Variants in SNTG1 observed in about 807,000 individuals in gnomAD.
The protein encoded by SNTG1 is syntrophin gamma 1.
Under a neutral mutation model 74.7 loss-of-function variants are expected in SNTG1, and 39 were observed. The ratio of observed to expected loss-of-function variants is 0.52; its 90% CI spans 0.40 to 0.68. The LOEUF (loss-of-function observed/expected upper bound fraction) is 0.68, where lower values mean the gene tolerates loss of function less well. SNTG1 is among the 30% of genes least tolerant of loss of function. The pLI is 0.00. For missense variants in SNTG1, 685 were observed against 609.5 expected (o/e 1.12, Z -1.30); for synonymous variants, 254 against 217.1 (o/e 1.17, Z -1.49).
intron 4 of SNTG1, among the ~76,000 whole-genome samples, chr8:50,421,431 G>A (rs1029484322): frequency 4.6e-5 from 7 of 152,094 alleles, no homozygotes; most frequent in African/African-American, 1.7e-4. Context: ...TGGTGCTGGT[G>A]GGAGTGTAGC....
Position 50,502,802 on chromosome 8 carries a change from G to A in SNTG1, c.388G>A (p.Glu130Lys). The change falls in exon 9 of 19, where the codon GAA becomes AAA. Residue 130 changes from glutamate (E) to lysine (K), a missense_variant. Transcript: ENST00000642720. Reference sequence around the variant, plus strand: ...GGTTCAGGTTCTTCGGAATGCTGGAGAAGAAGTGACTCTAACAGTGTCATT... The same window carrying A: ...GGTTCAGGTTCTTCGGAATGCTGGAAAAGAAGTGACTCTAACAGTGTCATT... ...EVVQVLRNAG[E>K]EVTLTVSFLK... 1.2e-6 allele frequency: 2 copies of A among 1,612,680 alleles called. No homozygotes were observed. Among genetic ancestry groups the A allele is most frequent in the Non-Finnish European group, 1.7e-6 (2 of 1,179,086 alleles).
At chr8:50,607,059 CA>C (rs1283082357) in intron 13 of SNTG1, among the ~76,000 whole-genome samples, 13 of 151,734 alleles carry the variant, frequency 8.6e-5, no homozygotes, top group African/African-American at 2.7e-4. Flanking sequence ...TAACGTCTCT[CA>C]AAAAAATCAA....
intron 2 of SNTG1, among the ~76,000 whole-genome samples, chr8:50,319,637 T>C (rs903972478): frequency 6.6e-6 from 1 of 152,190 alleles, no homozygotes; most frequent in East Asian, 1.9e-4. Flanking sequence ...GGCATCCTTG[T>C]CATGTTCCAA....
At chr8:50,432,865 A>G (rs1317411163) in intron 4 of SNTG1, among the ~76,000 whole-genome samples, 2 of 151,776 alleles carry the variant, frequency 1.3e-5, no homozygotes, top group Non-Finnish European at 2.9e-5. Flanking sequence ...AGTCTCGGCT[A>G]CTGCAACCTC....
At chr8:50,041,526 G>A (rs1055683002) in intron 1 of SNTG1, among the ~76,000 whole-genome samples, 1 of 152,144 alleles carries the variant, frequency 6.6e-6, no homozygotes, top group Non-Finnish European at 1.5e-5. Context: ...GGGATTAAAC[G>A]GAATTGAGCT....
intron 2 of SNTG1, among the ~76,000 whole-genome samples, chr8:50,250,511 C>A (rs182216430): frequency 6.6e-6 from 1 of 152,174 alleles, no homozygotes; most frequent in East Asian, 1.9e-4. Flanking sequence ...TTCCAAAGCA[C>A]ATTATAATCA....
intron 9 of SNTG1, among the ~76,000 whole-genome samples, chr8:50,505,893 G>T (rs1237202366): frequency 6.6e-6 from 1 of 151,910 alleles, no homozygotes; most frequent in African/African-American, 2.4e-5. Context: ...TAATGCCTGT[G>T]TTTTTGGTGT....
intron 2 of SNTG1, among the ~76,000 whole-genome samples, chr8:50,381,642 A>T (rs1204970543): frequency 1.5e-5 from 1 of 65,730 alleles, no homozygotes; most frequent in Non-Finnish European, 3.2e-5. Flanking sequence ...CCTATTAGTT[A>T]TATATATATA....
At chr8:49,910,395 AAGTTAGG>A (rs2129331617), upstream of SNTG1, among the ~76,000 whole-genome samples, 1 of 150,668 alleles carries the variant, frequency 6.6e-6, no homozygotes, top group East Asian at 2.0e-4. Context: ...TACACTGCAC[AAGTTAGG>A]AGTCTGCAAG....
chr8:50,317,284 T>C (rs2090351722), intron 2 of SNTG1, among the ~76,000 whole-genome samples: 1 of 152,272 alleles, frequency 6.6e-6, no homozygotes, highest in East Asian at 1.9e-4. Flanking sequence ...GGTGACATAG[T>C]TTGTCCAGAA....
At chr8:50,122,656 A>T (rs182009638) in intron 1 of SNTG1, among the ~76,000 whole-genome samples, 1 of 142,030 alleles carries the variant, frequency 7.0e-6, no homozygotes, top group Non-Finnish European at 1.6e-5. Context: ...GGTTGGCAGC[A>T]TAAGGAGGCA....
intron 15 of SNTG1, among the ~76,000 whole-genome samples, chr8:50,669,274 A>C (rs1402148313): frequency 6.6e-6 from 1 of 152,180 alleles, no homozygotes; most frequent in African/African-American, 2.4e-5. Flanking sequence ...CAAAGGATCA[A>C]CAAAATTGAT....
chr8:50,443,441 A>C (rs1226964630), intron 5 of SNTG1, among the ~76,000 whole-genome samples: 1 of 152,144 alleles, frequency 6.6e-6, no homozygotes, highest in African/African-American at 2.4e-5. Flanking sequence ...GGAAGATTTA[A>C]CACTACAGCA....
At chr8:50,353,020 G>T (rs1369269090) in intron 2 of SNTG1, among the ~76,000 whole-genome samples, 1 of 152,072 alleles carries the variant, frequency 6.6e-6, no homozygotes, top group East Asian at 1.9e-4. Flanking sequence ...GTCCCTCAAT[G>T]ATAGACTGGA....
intron 18 of SNTG1, among the ~76,000 whole-genome samples, chr8:50,783,142 G>T (rs1468122694): frequency 6.6e-6 from 1 of 152,196 alleles, no homozygotes; most frequent in Admixed American, 6.5e-5. Flanking sequence ...TCGGGGGTCA[G>T]GGGTCAGGGA....
At chr8:49,949,039 C>G (rs778894467) in intron 1 of SNTG1, among the ~76,000 whole-genome samples, 7 of 152,188 alleles carry the variant, frequency 4.6e-5, no homozygotes, top group Non-Finnish European at 7.3e-5. Flanking sequence ...GGACCCAAAG[C>G]TCCCTCAGGT....
chr8:50,736,457 G>A (rs1421893344), intron 17 of SNTG1, among the ~76,000 whole-genome samples: 1 of 151,994 alleles, frequency 6.6e-6, no homozygotes, highest in African/African-American at 2.4e-5. Context: ...AAGAAACTTA[G>A]ACTCCCACAC....
chr8:50,154,790 G>A (rs892867571), intron 1 of SNTG1, among the ~76,000 whole-genome samples: 5 of 152,182 alleles, frequency 3.3e-5, no homozygotes, highest in African/African-American at 1.2e-4. Context: ...TCGATTGGAA[G>A]TGACCAAGAA....
rs532704466 is a variant in SNTG1 at position 50,756,233 on chromosome 8, T to C, written c.1395+4122T>C. ...TTTGCTCTCTTGAGAATGTCTTTCATAGAGCAGAAAATTTTAATTTTAATG... is the reference window on the plus strand; with the variant it reads ...TTTGCTCTCTTGAGAATGTCTTTCACAGAGCAGAAAATTTTAATTTTAATG... On this transcript the variant is annotated intron_variant, in intron 18 of 18. Transcript: ENST00000642720. 1.6e-3 allele frequency among the ~76,000 whole-genome samples: 242 copies of C among 151,994 alleles called. 1 individual carries two copies. The highest frequency in any genetic ancestry group is 8.3e-3 in the Admixed American group (126 of 15,238).
Sources: gnomAD v4.1 joint callset for allele counts (sites outside exome capture counted in the v4.1 genomes callset) on GRCh38, gnomAD v4.1.1 for gene constraint, MANE v1.5 for transcripts, NCBI Gene and HGNC (gene_info 2026-07-23, HGNC 2026-07-21) for gene names.